The following UBR3 variants were observed in gnomAD, a reference collection of about 807,000 sequenced individuals.
The protein encoded by UBR3 is E3 ubiquitin-protein ligase UBR3.
A neutral mutation model predicts 243.2 loss-of-function variants in UBR3; 85 were observed. The observed-to-expected ratio is 0.35, with a 90% CI of 0.29 to 0.42. The LOEUF (loss-of-function observed/expected upper bound fraction) is 0.42, where lower values mean the gene tolerates loss of function less well. Among genes scored for constraint, UBR3 ranks in the 10% least tolerant of loss-of-function variants. The pLI is 1.00. For missense variants in UBR3, 1,686 were observed against 2,300.8 expected (o/e 0.73, Z 5.47); for synonymous variants, 748 against 799.8 (o/e 0.94, Z 1.09).
chr2:169,895,055 T>C (rs1448045104), intron 6 of UBR3, 126 bp from the exon 7 acceptor site: 1 of 863,952 alleles, frequency 1.2e-6, no homozygotes, highest in Non-Finnish European at 1.6e-6. Context: ...TCAATATTAT[T>C]GCATTATTGT....
intron 35 of UBR3, among the ~76,000 whole-genome samples, chr2:170,070,394 T>C (rs56165429): frequency 2.1e-4 from 32 of 152,138 alleles, no homozygotes; most frequent in Admixed American, 1.3e-3. Context: ...GCTAACATCA[T>C]GCTTAATAGT....
intron 5 of UBR3, among the ~76,000 whole-genome samples, chr2:169,887,878 C>T (rs1369011146): frequency 6.9e-6 from 1 of 145,984 alleles, no homozygotes; most frequent in Non-Finnish European, 1.5e-5. Flanking sequence ...CCGGGTTCAA[C>T]CTATTCTCCT....
chr2:169,968,086 A>T (rs535830445), intron 24 of UBR3, among the ~76,000 whole-genome samples: 12 of 152,236 alleles, frequency 7.9e-5, no homozygotes, highest in Non-Finnish European at 1.3e-4. Flanking sequence ...ACAAAAATTT[A>T]TACATAATAA....
At chr2:170,036,297 G>T (rs1488735599) in intron 31 of UBR3, among the ~76,000 whole-genome samples, 1 of 152,004 alleles carries the variant, frequency 6.6e-6, no homozygotes, top group Non-Finnish European at 1.5e-5. Context: ...CATTTTAAAA[G>T]ATAGTTATCA....
chr2:169,932,994 C>T lies in UBR3; in HGVS notation c.2649C>T (p.Asp883=), dbSNP rs73015765. 0.051 allele frequency: 78,176 copies of T among 1,525,222 alleles called. 2,117 individuals are homozygous for T. The highest frequency in any genetic ancestry group is 0.056 in the Non-Finnish European group (63,905 of 1,139,322). 94.5% of individuals were successfully genotyped at this position (1,525,222 alleles called of 1,614,324 possible). The change falls in exon 19 of 39, where the codon GAC becomes GAT. Residue 883 remains aspartate (D), a synonymous_variant. Transcript: ENST00000272793. ...VYRRDVQSAM[D]RYTAFLKQSG... is the part of the protein sequence containing the mutation. ...GTAGAGATGTGCAGTCTGCAATGGA[C>T]AGATATACTGCATTGTAAGTCCATC...
chr2:169,848,953 A>C (rs1214434169), intron 1 of UBR3, among the ~76,000 whole-genome samples: 1 of 152,214 alleles, frequency 6.6e-6, no homozygotes, highest in Non-Finnish European at 1.5e-5. Context: ...CGTAAATGGC[A>C]ATGCAGATAT....
intron 27 of UBR3, among the ~76,000 whole-genome samples, chr2:170,006,112 C>T (rs2089902513): frequency 6.6e-6 from 1 of 152,110 alleles, no homozygotes; most frequent in African/African-American, 2.4e-5. Context: ...TCTTCTGTGA[C>T]CAGGACCCTT....
At chr2:169,881,830 T>C (rs1370194184) in intron 5 of UBR3, among the ~76,000 whole-genome samples, 3 of 137,472 alleles carry the variant, frequency 2.2e-5, no homozygotes, top group Non-Finnish European at 4.6e-5. Flanking sequence ...ATTATATATG[T>C]ATGTATACAT....
intron 1 of UBR3, among the ~76,000 whole-genome samples, chr2:169,866,875 CA>C (rs1188255305): frequency 6.6e-6 from 1 of 152,196 alleles, no homozygotes; most frequent in Non-Finnish European, 1.5e-5. Flanking sequence ...GCTGACCTAA[CA>C]ATTGAAAGAC....
intron 8 of UBR3, among the ~76,000 whole-genome samples, chr2:169,902,015 A>T (rs1416328644): frequency 6.6e-6 from 1 of 152,116 alleles, no homozygotes; most frequent in East Asian, 1.9e-4. Flanking sequence ...AAGACTCATT[A>T]TTGCTCCATT....
intron 1 of UBR3, among the ~76,000 whole-genome samples, chr2:169,861,681 TTTTTATGTTTATTAA>T (rs1026269128): frequency 7.9e-5 from 12 of 152,134 alleles, no homozygotes; most frequent in African/African-American, 2.6e-4. Context: ...TTCTTGTCAA[TTTTTATGTTTATTAA>T]TTTTATGTTT....
At chr2:170,015,775 A>T (rs988158471) in intron 30 of UBR3, among the ~76,000 whole-genome samples, 2 of 151,944 alleles carry the variant, frequency 1.3e-5, no homozygotes, top group Admixed American at 6.6e-5. Context: ...TGATGTGTAT[A>T]TTAAAATGTA....
intron 1 of UBR3, among the ~76,000 whole-genome samples, chr2:169,829,812 AGTACACACACAC>A (rs2081871652): frequency 7.8e-6 from 1 of 128,796 alleles, no homozygotes. Context: ...ATAGCTAAAA[AGTACACACACAC>A]ACACACACAC....
At chr2:169,975,885 C>CATATAT (rs3083011) in intron 24 of UBR3, among the ~76,000 whole-genome samples, 5 of 150,606 alleles carry the variant, frequency 3.3e-5, no homozygotes, top group African/African-American at 1.2e-4. Context: ...CAATTAAAAA[C>CATATAT]ATATATATAT....
At chr2:169,851,842 A>C (rs1183761593) in intron 1 of UBR3, among the ~76,000 whole-genome samples, 1 of 152,034 alleles carries the variant, frequency 6.6e-6, no homozygotes, top group Non-Finnish European at 1.5e-5. Flanking sequence ...GTCTCAAAAA[A>C]AAAAAAAAAA....
intron 7 of UBR3, among the ~76,000 whole-genome samples, chr2:169,895,931 A>G (rs557521676): frequency 6.6e-6 from 1 of 152,024 alleles, no homozygotes; most frequent in Non-Finnish European, 1.5e-5. Flanking sequence ...TGATAGTGTC[A>G]TTGTTTTGTG....
chr2:169,970,062 G>C (rs1485953198), intron 24 of UBR3, among the ~76,000 whole-genome samples: 1 of 151,288 alleles, frequency 6.6e-6, no homozygotes, highest in East Asian at 1.9e-4. Flanking sequence ...GGTATTGATA[G>C]GGGATTGCAT....
At position 169,845,510 on chromosome 2, in the gene UBR3, G is replaced by GTCA. The variant is rs1430321047; in HGVS notation, c.545+17460_545+17461insATC. ...TTCCCTCTTCGTCGTCATCGTCGTC[G>GTCA]TCGTCGTCGTCGTCGTCGTCGTCTT... On this transcript the variant is annotated intron_variant, in intron 1 of 38. Coordinates refer to ENST00000272793, the MANE Select transcript of UBR3 (RefSeq NM_172070.4). 7.4e-5 allele frequency among the ~76,000 whole-genome samples: 10 copies of GTCA among 135,736 alleles called. No homozygotes were observed. The East Asian group carries it at 1.2e-3, about 16-fold the overall frequency. 89.0% of individuals were successfully genotyped at this position (135,736 alleles called of 152,430 possible). A position where few individuals can be genotyped will look rare whatever the true frequency, so the allele number is the denominator to read the frequency against.
chr2:170,064,715 T>C (rs1402832915), intron 35 of UBR3, among the ~76,000 whole-genome samples: 1 of 151,836 alleles, frequency 6.6e-6, no homozygotes, highest in Non-Finnish European at 1.5e-5. Flanking sequence ...CTAGCAGCAG[T>C]TTGTTTTAAT....
Sources: allele counts gnomAD v4.1 joint callset (sites outside exome capture counted in the v4.1 genomes callset), GRCh38; gene constraint gnomAD v4.1.1; transcripts MANE v1.5; gene names NCBI Gene and HGNC (gene_info 2026-07-23, HGNC 2026-07-21).